Variants in AP2B1 observed in about 807,000 individuals in gnomAD.
The protein encoded by AP2B1 is AP-2 complex subunit beta.
In AP2B1, 23 loss-of-function variants were observed where a neutral mutation model predicts 102.0. The observed-to-expected ratio is 0.23, with a 90% CI of 0.16 to 0.32. The LOEUF (loss-of-function observed/expected upper bound fraction) is 0.32, where lower values mean the gene tolerates loss of function less well. Among genes scored for constraint, AP2B1 ranks in the 10% least tolerant of loss-of-function variants. The pLI, the probability that AP2B1 is intolerant of heterozygous loss-of-function variation, is 1.00. For synonymous variants in AP2B1, 381 were observed against 421.2 expected, an observed-to-expected ratio of 0.90 and a Z score of 1.17; for missense variants, 541 against 1,157.4, an observed-to-expected ratio of 0.47 and a Z score of 7.73.
chr17:35,687,011 C>G (rs190387266), intron 18 of AP2B1, among the ~76,000 whole-genome samples: 1 of 152,330 alleles, frequency 6.6e-6, no homozygotes, highest in Admixed American at 6.5e-5. Flanking sequence ...AGTCCTGAGA[C>G]TTTTCTCCCT....
chr17:35,608,542 C>T (rs866353453), intron 5 of AP2B1, among the ~76,000 whole-genome samples, 155 bp downstream of exon 5: 2 of 152,066 alleles, frequency 1.3e-5, no homozygotes, highest in Non-Finnish European at 2.9e-5. Flanking sequence ...ATTTCATATC[C>T]TAGGTGTTTT....
At chr17:35,641,211 G>T (rs529565280) in intron 11 of AP2B1, among the ~76,000 whole-genome samples, 12 of 152,216 alleles carry the variant, frequency 7.9e-5, no homozygotes, top group Non-Finnish European at 1.3e-4. Flanking sequence ...GTAGCTTTTG[G>T]TAGAAGTAAA....
At position 35,596,669 on chromosome 17, in the gene AP2B1, G is replaced by A. The variant is rs1184101578; in HGVS notation, c.38-1561G>A. On this transcript the variant is annotated intron_variant, in intron 2 of 21. Transcript: ENST00000610402. The stretch of plus-strand genomic sequence containing the variant: ...CAGGGCCTTCCGCGGAGGCCGCCCC[G>A]TCGCCCTCGAGCACCAGCTTCACGT... 2.0e-5 allele frequency among the ~76,000 whole-genome samples: 3 copies of A among 151,990 alleles called. No individual in the cohort carries two copies. The East Asian group carries it at 5.8e-4, about 29-fold the overall frequency.
intron 20 of AP2B1, among the ~76,000 whole-genome samples, chr17:35,712,831 A>C (rs587675385): frequency 2.2e-4 from 33 of 152,328 alleles, no homozygotes; most frequent in South Asian, 6.2e-4. Flanking sequence ...ATTTAAAATC[A>C]CAAAATACTT....
At chr17:35,712,414 G>A (rs954014342) in intron 20 of AP2B1, among the ~76,000 whole-genome samples, 17 of 152,168 alleles carry the variant, frequency 1.1e-4, no homozygotes, top group African/African-American at 4.1e-4. Flanking sequence ...AGATCACGAG[G>A]TCAGGAGATC....
At chr17:35,624,873 A>T (rs1219160709) in intron 6 of AP2B1, among the ~76,000 whole-genome samples, 1 of 152,146 alleles carries the variant, frequency 6.6e-6, no homozygotes, top group Non-Finnish European at 1.5e-5. Flanking sequence ...GCCAGCAAAG[A>T]TTATTGAGTA....
At chr17:35,722,711 CT>C (rs1441734597) in intron 21 of AP2B1, among the ~76,000 whole-genome samples, 1 of 152,080 alleles carries the variant, frequency 6.6e-6, no homozygotes, top group African/African-American at 2.4e-5. Flanking sequence ...TTTTGTTGAC[CT>C]GCCCTAATTA....
In AP2B1 at chr17:35,636,515, T is replaced by C. The variant is rs934525037; in HGVS notation, c.1271+59T>C. The C allele has an allele frequency of 1.5e-5, 20 of 1,297,370 alleles. No homozygotes were observed. In the Admixed American group the frequency reaches 1.6e-4, roughly 10 times the overall value. 80.4% of individuals were successfully genotyped at this position (1,297,370 alleles called of 1,614,324 possible). A position where few individuals can be genotyped will look rare whatever the true frequency, so the allele number is the denominator to read the frequency against. On this transcript the variant is annotated intron_variant, in intron 10 of 21. Coordinates refer to ENST00000610402, the MANE Select transcript of AP2B1 (RefSeq NM_001030006.2). Reference sequence around the variant, plus strand: ...ATTACTTAGGAAATGTTTAAGGCACTTTGAAATTGCCTAGGTAAGAATTAC... The same window carrying C: ...ATTACTTAGGAAATGTTTAAGGCACCTTGAAATTGCCTAGGTAAGAATTAC...
At chr17:35,710,345 G>A in intron 20 of AP2B1, 25 bp downstream of exon 20, 1 of 1,475,746 alleles carries the variant, frequency 6.8e-7, no homozygotes, top group Non-Finnish European at 9.4e-7. Context: ...CTAAATTTCA[G>A]TTTCATCTTA....
chr17:35,596,938 G>A (rs2142320619), intron 2 of AP2B1: 5 of 696,010 alleles, frequency 7.2e-6, no homozygotes, highest in South Asian at 6.8e-5. Context: ...ATGCCAGGAG[G>A]CCATTGTGGA....
chr17:35,663,372 A>G (rs2075397963), intron 14 of AP2B1, among the ~76,000 whole-genome samples: 1 of 152,228 alleles, frequency 6.6e-6, no homozygotes. Flanking sequence ...GAACAACTCA[A>G]GAAGATAATT....
chr17:35,695,410 TCC>T (rs2076122095), intron 18 of AP2B1, among the ~76,000 whole-genome samples: 2 of 152,106 alleles, frequency 1.3e-5, no homozygotes, highest in East Asian at 3.9e-4. Flanking sequence ...GATCCTGGGT[TCC>T]CTGTGAGGCA....
chr17:35,589,957 A>C (rs1406032192), intron 1 of AP2B1, among the ~76,000 whole-genome samples: 3 of 115,734 alleles, frequency 2.6e-5, no homozygotes, highest in Admixed American at 1.2e-4. Flanking sequence ...ACGGAGTCTC[A>C]CTCTTTCGCC....
At chr17:35,676,838 G>T (rs547584389) in intron 17 of AP2B1, among the ~76,000 whole-genome samples, 32 of 152,090 alleles carry the variant, frequency 2.1e-4, no homozygotes, top group African/African-American at 7.7e-4. Flanking sequence ...GCCTTTTGTT[G>T]TTTTTGGGGG....
Position 35,671,954 on chromosome 17 carries a change from T to C in AP2B1, c.2178+54T>C, listed in dbSNP as rs2075598234. ...TTCTTAATGGACAGGACCCAAACTG[T>C]TTCACTTTCAACATTTGTGTTACTT... On this transcript the variant is annotated intron_variant, in intron 16 of 21. Coordinates refer to ENST00000610402, the MANE Select transcript of AP2B1 (RefSeq NM_001030006.2). 20 of 1,577,280 alleles carry C rather than the reference T, an allele frequency of 1.3e-5. No homozygotes were observed. The South Asian group carries it at 2.2e-4, about 17-fold the overall frequency.
intron 18 of AP2B1, among the ~76,000 whole-genome samples, chr17:35,690,638 C>A (rs1412719369): frequency 6.6e-6 from 1 of 152,186 alleles, no homozygotes; most frequent in East Asian, 1.9e-4. Flanking sequence ...CACTCTCCTC[C>A]TCTCCCCACC....
intron 12 of AP2B1, among the ~76,000 whole-genome samples, chr17:35,645,341 A>G (rs2074899426): frequency 6.6e-6 from 1 of 152,202 alleles, no homozygotes; most frequent in African/African-American, 2.4e-5. Context: ...TCTATAGTAG[A>G]GTTAATTAAT....
rs1177549723 is a variant in AP2B1 at position 35,653,329 on chromosome 17, A to T, written c.1796+2540A>T. ...CTAGTAATTAATGGAGCCAACACTT[A>T]ATCCCCTGTTTTTACCACCATCCTA... On this transcript the variant is annotated intron_variant, in intron 13 of 21. Transcript: ENST00000610402. 2.0e-5 allele frequency among the ~76,000 whole-genome samples: 3 copies of T among 152,174 alleles called. No individual in the cohort carries two copies. The East Asian group carries it at 5.8e-4, about 29-fold the overall frequency.
At chr17:35,692,368 A>G (rs1255190480) in intron 18 of AP2B1, among the ~76,000 whole-genome samples, 2 of 152,250 alleles carry the variant, frequency 1.3e-5, no homozygotes, top group African/African-American at 2.4e-5. Context: ...GCTAGGAGTT[A>G]ATGATGGATA....
Sources: gnomAD v4.1 joint callset for allele counts (sites outside exome capture counted in the v4.1 genomes callset) on GRCh38, gnomAD v4.1.1 for gene constraint, MANE v1.5 for transcripts, NCBI Gene and HGNC (gene_info 2026-07-23, HGNC 2026-07-21) for gene names.